Variants in MAMDC2 observed in about 807,000 individuals in gnomAD.
The protein encoded by MAMDC2 is MAM domain containing 2.
Under a neutral mutation model 89.8 loss-of-function variants are expected in MAMDC2, and 57 were observed. The observed-to-expected ratio is 0.63, with a 90% CI of 0.51 to 0.79. The LOEUF is 0.79. Among genes scored for constraint, MAMDC2 ranks in the 30% least tolerant of loss-of-function variants. The pLI is 0.00. For missense variants in MAMDC2, 800 were observed against 820.6 expected, an observed-to-expected ratio of 0.97 and a Z score of 0.31; for synonymous variants, 313 against 293.4, an observed-to-expected ratio of 1.07 and a Z score of -0.68.
intron 12 of MAMDC2, 48 bp from the exon 13 acceptor site, chr9:70,225,702 G>A (rs370831028): frequency 1.6e-6 from 2 of 1,234,722 alleles, no homozygotes; most frequent in African/African-American, 1.5e-5. Flanking sequence ...GACCAGCACT[G>A]TAATCAGGAT....
At chr9:70,126,814 C>T (rs1043716073) in intron 6 of MAMDC2, among the ~76,000 whole-genome samples, 8 of 150,720 alleles carry the variant, frequency 5.3e-5, no homozygotes, top group Non-Finnish European at 1.2e-4. Context: ...GTTTTCCTTA[C>T]TTGAGTGAAC....
chr9:70,111,090 TTGA>T (rs1828499674), intron 4 of MAMDC2, among the ~76,000 whole-genome samples: 1 of 152,202 alleles, frequency 6.6e-6, no homozygotes, highest in African/African-American at 2.4e-5. Context: ...GCTCTTTTCC[TTGA>T]GCCTCCCGCT....
rs769425835 is a variant in MAMDC2, at chr9:70,113,018, C to T, written c.529C>T (p.Leu177Phe). ...CIECDFEENHLCGFVNRWNPN... is the reference protein window; with the variant it reads ...CIECDFEENHFCGFVNRWNPN... The stretch of plus-strand genomic sequence containing the variant: ...AGAATGTGACTTTGAAGAAAATCAT[C>T]TCTGTGGCTTTGTGAACCGCTGGAA... Residue 177 changes from leucine to phenylalanine, a missense_variant, in exon 5 of 14, where the codon CTC (leucine) becomes TTC (phenylalanine). Physicochemically the swap from Leu to Phe is conservative, Grantham distance 22. Coordinates refer to ENST00000377182, the MANE Select transcript of MAMDC2 (RefSeq NM_153267.5). The T allele has an allele frequency of 6.2e-7, 1 of 1,614,148 alleles. No individual in the cohort carries two copies. Among genetic ancestry groups the T allele is most frequent in the Non-Finnish European group, 8.5e-7 (1 of 1,180,012 alleles).
intron 11 of MAMDC2, among the ~76,000 whole-genome samples, chr9:70,198,655 A>G (rs2033027698): frequency 6.6e-6 from 1 of 152,152 alleles, no homozygotes; most frequent in African/African-American, 2.4e-5. Flanking sequence ...ATTTCCAGAG[A>G]AAGAAACACC....
In MAMDC2 at chr9:70,109,735, G is replaced by A. The variant is rs1422851148; in HGVS notation, c.436G>A (p.Val146Ile). 7.4e-6 allele frequency: 12 copies of A among 1,613,606 alleles called. No homozygotes were observed. Among genetic ancestry groups the A allele is most frequent in the African/African-American group, 1.3e-5 (1 of 74,912 alleles). Residue 146 changes from valine to isoleucine, a missense_variant, in exon 4 of 14, where the codon GTA becomes ATA. Val to Ile is a conservative substitution (Grantham distance 29). Coordinates refer to ENST00000377182, the MANE Select transcript of MAMDC2 (RefSeq NM_153267.5). The part of the protein sequence containing the change: ...SKKFKILIEG[V>I]LGQGNTASIA... The stretch of plus-strand genomic sequence containing the variant: ...TGTTGTGCAGATTTTAATAGAAGGT[G>A]TACTAGGACAGGGAAACACAGCCAG...
At chr9:70,077,200 G>A (rs1454501846) in intron 2 of MAMDC2, among the ~76,000 whole-genome samples, 1 of 152,192 alleles carries the variant, frequency 6.6e-6, no homozygotes, top group Non-Finnish European at 1.5e-5. Flanking sequence ...CAGACTTTTT[G>A]TAAGACTGAA....
intron 9 of MAMDC2, among the ~76,000 whole-genome samples, chr9:70,165,808 C>T (rs2032153764): frequency 6.6e-6 from 1 of 152,162 alleles, no homozygotes; most frequent in South Asian, 2.1e-4. Context: ...TGACTGAATA[C>T]ATGAATTTTT....
At chr9:70,160,620 A>G (rs1043051734) in intron 9 of MAMDC2, among the ~76,000 whole-genome samples, 2 of 150,932 alleles carry the variant, frequency 1.3e-5, no homozygotes, top group African/African-American at 4.9e-5. Context: ...GATGTCGGAG[A>G]AGCTGTGAGC....
At chr9:70,053,349 T>C (rs1320648631) in intron 2 of MAMDC2, among the ~76,000 whole-genome samples, 3 of 152,172 alleles carry the variant, frequency 2.0e-5, no homozygotes, top group Non-Finnish European at 4.4e-5. Context: ...CATGAATAAA[T>C]AATATGTTTT....
intron 2 of MAMDC2, among the ~76,000 whole-genome samples, chr9:70,091,611 C>A (rs565176003): frequency 6.6e-6 from 1 of 152,190 alleles, no homozygotes; most frequent in Non-Finnish European, 1.5e-5. Context: ...CAATCCGAAT[C>A]GGATCCGGAA....
At chr9:70,069,761 A>G (rs1261253404) in intron 2 of MAMDC2, among the ~76,000 whole-genome samples, 1 of 152,192 alleles carries the variant, frequency 6.6e-6, no homozygotes, top group Admixed American at 6.5e-5. Context: ...GCTTTCTGGA[A>G]TTTCTTGCTC....
At chr9:70,139,886 G>A (rs1044644332) in intron 7 of MAMDC2, among the ~76,000 whole-genome samples, 16 of 151,986 alleles carry the variant, frequency 1.1e-4, no homozygotes, top group African/African-American at 3.4e-4. Context: ...TTTTGAAGTC[G>A]GGTACTTCAT....
intron 11 of MAMDC2, among the ~76,000 whole-genome samples, chr9:70,204,682 A>G (rs1371671603): frequency 1.3e-5 from 2 of 151,550 alleles, no homozygotes; most frequent in Non-Finnish European, 3.0e-5. Context: ...GTTTGATCTC[A>G]GACTGCTGTG....
intron 9 of MAMDC2, among the ~76,000 whole-genome samples, chr9:70,144,302 C>T (rs2031324547): frequency 6.6e-6 from 1 of 152,074 alleles, no homozygotes; most frequent in Non-Finnish European, 1.5e-5. Context: ...TGAGGAAGCT[C>T]ATTAAAAAAT....
chr9:70,174,078 A>G (rs948021641), intron 11 of MAMDC2, among the ~76,000 whole-genome samples: 2 of 152,260 alleles, frequency 1.3e-5, no homozygotes, highest in Non-Finnish European at 2.9e-5. Context: ...TGTATTAAGA[A>G]TAATTAATAC....
chr9:70,148,006 A>C lies in MAMDC2; in HGVS notation c.1404+4187A>C, dbSNP rs533143329. The C allele has an allele frequency of 4.6e-5, 7 of 150,566 alleles. No individual in the cohort carries two copies. In the East Asian group the frequency reaches 1.4e-3, roughly 29 times the overall value. 9.3% of individuals were successfully genotyped at this position (150,566 alleles called of 1,614,324 possible). ...CTGCCATTCATTCTTGCTCCCCTGC[A>C]ATCTGTCTCTGTCCAGCTGTAGAGT... On this transcript the variant is annotated intron_variant, in intron 9 of 13. Coordinates refer to ENST00000377182, the MANE Select transcript of MAMDC2 (RefSeq NM_153267.5).
intron 2 of MAMDC2, among the ~76,000 whole-genome samples, chr9:70,078,290 G>A (rs2118116265): frequency 6.6e-6 from 1 of 152,256 alleles, no homozygotes; most frequent in East Asian, 1.9e-4. Context: ...GAATGTTCAT[G>A]TTTTACCTTA....
chr9:70,193,519 A>G lies in MAMDC2; in HGVS notation c.1651+22888A>G, dbSNP rs544471162. On this transcript the variant is annotated intron_variant, in intron 11 of 13. Transcript: ENST00000377182. ...TAGATGTACAATTTAAGCAATGATC[A>G]TATTACATTTGAAAAGGAGACCTCC... 3.9e-5 allele frequency among the ~76,000 whole-genome samples: 6 copies of G among 152,276 alleles called. 1 individual carries two copies. The East Asian group carries it at 1.2e-3, about 29-fold the overall frequency.
At chr9:70,197,272 A>C (rs1306123711) in intron 11 of MAMDC2, among the ~76,000 whole-genome samples, 1 of 152,124 alleles carries the variant, frequency 6.6e-6, no homozygotes, top group South Asian at 2.1e-4. Context: ...AGAAACTGCA[A>C]ATGTCTGCTG....
Sources: allele counts gnomAD v4.1 joint callset (sites outside exome capture counted in the v4.1 genomes callset), GRCh38; gene constraint gnomAD v4.1.1; transcripts MANE v1.5; gene names NCBI Gene and HGNC (gene_info 2026-07-23, HGNC 2026-07-21).